The following SNAP91 variants were observed in gnomAD, a reference collection of about 807,000 sequenced individuals.
SNAP91 encodes the protein synaptosome associated protein 91.
Under a neutral mutation model 100.3 loss-of-function variants are expected in SNAP91, and 27 were observed. The ratio of observed to expected loss-of-function variants is 0.27; its 90% CI spans 0.20 to 0.37. SNAP91 has a LOEUF of 0.37. Among genes scored for constraint, SNAP91 ranks in the 10% least tolerant of loss-of-function variants. The pLI, the probability that SNAP91 is intolerant of heterozygous loss-of-function variation, is 1.00. For missense variants in SNAP91, 986 were observed against 1,123.7 expected, an observed-to-expected ratio of 0.88 and a Z score of 1.75; for synonymous variants, 404 against 398.6, an observed-to-expected ratio of 1.01 and a Z score of -0.16.
intron 22 of SNAP91, among the ~76,000 whole-genome samples, chr6:83,587,008 C>T (rs1332178950): frequency 6.6e-6 from 1 of 152,102 alleles, no homozygotes; most frequent in African/African-American, 2.4e-5. Flanking sequence ...TTGGTATTAT[C>T]TGACAGTTCT....
At chr6:83,662,033 G>T (rs1450598796) in intron 4 of SNAP91, among the ~76,000 whole-genome samples, 2 of 151,930 alleles carry the variant, frequency 1.3e-5, no homozygotes, top group Non-Finnish European at 1.5e-5. Flanking sequence ...TTTAAGACTC[G>T]AATCACTTTT....
chr6:83,618,101 A>G (rs1213875509), intron 9 of SNAP91, among the ~76,000 whole-genome samples: 1 of 151,914 alleles, frequency 6.6e-6, no homozygotes, highest in African/African-American at 2.4e-5. Flanking sequence ...ATTCTTACTA[A>G]AAATCTTTAA....
chr6:83,611,422 T>A (rs760239041), intron 11 of SNAP91: 21 of 455,710 alleles, frequency 4.6e-5, no homozygotes. Context: ...CAGAAATAAC[T>A]GCCAGAACAG....
chr6:83,554,654 G>A (rs1011800520), intron 29 of SNAP91, among the ~76,000 whole-genome samples: 6 of 152,106 alleles, frequency 3.9e-5, no homozygotes, highest in African/African-American at 1.2e-4. Flanking sequence ...AGGGGGCATG[G>A]CAATGACCTT....
chr6:83,564,346 T>A (rs957318503), intron 26 of SNAP91, among the ~76,000 whole-genome samples: 9 of 143,550 alleles, frequency 6.3e-5, no homozygotes, highest in Non-Finnish European at 1.2e-4. Flanking sequence ...TTTTTTTTTT[T>A]ATATATATAT....
At chr6:83,601,084 A>G (rs2095155400) in intron 16 of SNAP91, among the ~76,000 whole-genome samples, 187 bp downstream of exon 16, 1 of 152,242 alleles carries the variant, frequency 6.6e-6, no homozygotes, top group African/African-American at 2.4e-5. Flanking sequence ...TCTGCTATAA[A>G]ATTACTAAAA....
intron 7 of SNAP91, among the ~76,000 whole-genome samples, chr6:83,643,744 C>G (rs11757776): frequency 0.21 from 32,362 of 152,124 alleles, 4,269 homozygotes; most frequent in East Asian, 0.4. Flanking sequence ...TCATTACCTT[C>G]TGTTGACAGT....
chr6:83,627,174 C>A (rs1263580732), intron 8 of SNAP91, among the ~76,000 whole-genome samples: 1 of 152,044 alleles, frequency 6.6e-6, no homozygotes, highest in Non-Finnish European at 1.5e-5. Flanking sequence ...TATGTTGAAC[C>A]AACCTTGCAT....
intron 1 of SNAP91, 156 bp from the exon 2 acceptor site, chr6:83,708,113 C>G (rs2099404936): frequency 1.6e-6 from 1 of 618,746 alleles, no homozygotes; most frequent in Non-Finnish European, 2.6e-6. Context: ...AAGCCCCGCT[C>G]CTGCGATGCG....
intron 26 of SNAP91, among the ~76,000 whole-genome samples, chr6:83,563,198 T>C (rs1791013562): frequency 6.6e-6 from 1 of 152,182 alleles, no homozygotes; most frequent in African/African-American, 2.4e-5. Context: ...AGCAACCCGC[T>C]TTTGAGGCCT....
intron 2 of SNAP91, among the ~76,000 whole-genome samples, chr6:83,674,503 C>A (rs1332202403): frequency 6.6e-6 from 1 of 152,028 alleles, no homozygotes; most frequent in Non-Finnish European, 1.5e-5. Flanking sequence ...TACTTGCAAC[C>A]AAATGCATGC....
chr6:83,585,058 T>C (rs1446721905), intron 22 of SNAP91, among the ~76,000 whole-genome samples: 2 of 152,202 alleles, frequency 1.3e-5, no homozygotes, highest in Non-Finnish European at 2.9e-5. Context: ...AAAAAAATAA[T>C]TGCTATAATG....
In SNAP91 at chr6:83,585,329, C is replaced by T. The variant is rs114173761; in HGVS notation, c.2015-2973G>A. Reference sequence around the variant, plus strand: ...TTTGAGACCAGCTTGGTCAATATAGCGAGACCTCATTTTTATATATCTATC... The same window carrying T: ...TTTGAGACCAGCTTGGTCAATATAGTGAGACCTCATTTTTATATATCTATC... On this transcript the variant is annotated intron_variant, in intron 22 of 29. Coordinates refer to ENST00000369694, the MANE Select transcript of SNAP91 (RefSeq NM_001242792.2). Among the ~76,000 whole-genome samples the T allele has an allele frequency of 2.5e-3, 385 of 152,010 alleles. 3 individuals are homozygous for T. The highest frequency in any genetic ancestry group is 2.6e-3 in the African/African-American group (108 of 41,472).
At chr6:83,614,250 A>C (rs185933442) in intron 11 of SNAP91, among the ~76,000 whole-genome samples, 25 of 152,314 alleles carry the variant, frequency 1.6e-4, no homozygotes, top group Admixed American at 1.5e-3. Context: ...CCACATAAAT[A>C]ATAAAATAAA....
At chr6:83,696,268 A>G (rs2099209817) in intron 2 of SNAP91, among the ~76,000 whole-genome samples, 1 of 152,220 alleles carries the variant, frequency 6.6e-6, no homozygotes, top group African/African-American at 2.4e-5. Context: ...GTGCATAGCG[A>G]TATTACAGTG....
At chr6:83,635,846 G>A (rs541803350) in intron 8 of SNAP91, among the ~76,000 whole-genome samples, 20 of 152,208 alleles carry the variant, frequency 1.3e-4, no homozygotes, top group African/African-American at 4.3e-4. Context: ...CCTTAAGCAC[G>A]TCTTTTAAGG....
chr6:83,611,746 G>A (rs1436353848), intron 11 of SNAP91, among the ~76,000 whole-genome samples: 1 of 151,526 alleles, frequency 6.6e-6, no homozygotes, highest in East Asian at 1.9e-4. Context: ...ACCCAGGCTG[G>A]AGTGCAGTGG....
chr6:83,571,020 C>T (rs1454051706), intron 26 of SNAP91, among the ~76,000 whole-genome samples: 2 of 152,112 alleles, frequency 1.3e-5, no homozygotes, highest in Non-Finnish European at 2.9e-5. Flanking sequence ...CACAGACACT[C>T]AACACCAGCC....
At chr6:83,585,060 G>T (rs894389552) in intron 22 of SNAP91, among the ~76,000 whole-genome samples, 3 of 152,180 alleles carry the variant, frequency 2.0e-5, no homozygotes, top group Non-Finnish European at 1.5e-5. Flanking sequence ...AAAAATAATT[G>T]CTATAATGAA....
Sources: gnomAD v4.1 joint callset for allele counts (sites outside exome capture counted in the v4.1 genomes callset) on GRCh38, gnomAD v4.1.1 for gene constraint, MANE v1.5 for transcripts, NCBI Gene and HGNC (gene_info 2026-07-23, HGNC 2026-07-21) for gene names.